Variants in CNTN2 observed in about 807,000 individuals in gnomAD.
CNTN2 encodes the protein contactin-2.
Under a neutral mutation model 117.5 loss-of-function variants are expected in CNTN2, and 53 were observed. The ratio of observed to expected loss-of-function variants is 0.45; its 90% CI spans 0.36 to 0.57. CNTN2 has a LOEUF of 0.57. CNTN2 is among the 20% of genes least tolerant of loss of function. CNTN2 has a pLI of 0.00. For missense variants in CNTN2, 1,106 were observed against 1,404.3 expected (o/e 0.79, Z 3.39); for synonymous variants, 530 against 561.7 (o/e 0.94, Z 0.80).
At chr1:205,055,751 T>C (rs964269186) in intron 2 of CNTN2, among the ~76,000 whole-genome samples, 2 of 152,162 alleles carry the variant, frequency 1.3e-5, no homozygotes, top group Non-Finnish European at 2.9e-5. Context: ...CTGTGGGATC[T>C]GGGGCAAGTT....
chr1:205,064,890 C>G (rs920223492), intron 12 of CNTN2, 140 bp downstream of exon 12: 24 of 1,344,818 alleles, frequency 1.8e-5, no homozygotes, highest in Non-Finnish European at 2.5e-5. Flanking sequence ...GGGACCACCC[C>G]CTGGCCACCA....
intron 1 of CNTN2, among the ~76,000 whole-genome samples, chr1:205,049,281 G>GACAC (rs3835569): frequency 0.033 from 3,985 of 120,532 alleles, 83 homozygotes; most frequent in Admixed American, 0.054. Context: ...CCTCACACCC[G>GACAC]ACACACACAC....
Position 205,061,458 on chromosome 1 carries a change from C to A in CNTN2, c.973+38C>A, listed in dbSNP as rs1653976955. 1 of 1,529,466 alleles carries A rather than the reference C, an allele frequency of 6.5e-7. No homozygotes were observed. Among genetic ancestry groups the A allele is most frequent in the South Asian group, 1.2e-5 (1 of 81,754 alleles). 94.7% of individuals were successfully genotyped at this position (1,529,466 alleles called of 1,614,324 possible). A position where few individuals can be genotyped will look rare whatever the true frequency, so the allele number is the denominator to read the frequency against. ...GGACACCTTCTCCGCCCCTCCCGACCCCCCTTCCCGCCTTCACCCTTGTCC... is the reference window on the plus strand; with the variant it reads ...GGACACCTTCTCCGCCCCTCCCGACACCCCTTCCCGCCTTCACCCTTGTCC... On this transcript the variant is annotated intron_variant, in intron 8 of 22. Coordinates refer to ENST00000331830, the MANE Select transcript of CNTN2 (RefSeq NM_005076.5). This position sits in a 1 kb window ranked among gnomAD's most constrained non-coding sequence, Gnocchi z 4.8.
intron 2 of CNTN2, among the ~76,000 whole-genome samples, chr1:205,054,177 G>A (rs1420379454): frequency 1.3e-5 from 2 of 152,200 alleles, no homozygotes; most frequent in Non-Finnish European, 2.9e-5. Context: ...ACATCTCTGT[G>A]GGACTCTCCA....
At position 205,059,004 on chromosome 1, in the gene CNTN2, C is replaced by T. The variant is rs1267291782; in HGVS notation, c.488-80C>T. ...TGTCAGGACAGGGCTTGCAGAACCG[C>T]ACCAGCATGCTGGGGTCCCACCCAG... On this transcript the variant is annotated intron_variant, in intron 5 of 22. Transcript: ENST00000331830. The surrounding 1 kb of genome is among the most constrained non-coding windows in gnomAD (Gnocchi z 5.6). 2.3e-6 allele frequency: 3 copies of T among 1,303,048 alleles called. No individual in the cohort carries two copies. The highest frequency in any genetic ancestry group is 1.5e-5 in the African/African-American group (1 of 68,432). The allele number at this position is 1,303,048 out of a possible 1,614,324, so 80.7% of individuals were successfully genotyped here.
At position 205,071,951 on chromosome 1, in the gene CNTN2, G is replaced by A. The variant is rs548681626; in HGVS notation, c.2549G>A (p.Arg850His). ...MNGILLGYEI[R>H]YWKAGDKEAA... Reference sequence around the variant, plus strand: ...GGGTACCCCCGCCTCCTTCAGATCCGCTACTGGAAAGCTGGGGACAAAGAA... The same window carrying A: ...GGGTACCCCCGCCTCCTTCAGATCCACTACTGGAAAGCTGGGGACAAAGAA... The change falls in exon 20 of 23, where the codon CGC (arginine) becomes CAC (histidine). Residue 850 changes from arginine (R) to histidine (H), a missense_variant. Physicochemically the swap from Arg to His is conservative, Grantham distance 29. Transcript: ENST00000331830. The A allele has an allele frequency of 1.6e-5, 25 of 1,610,284 alleles. No individual in the cohort carries two copies. The Middle Eastern group carries it at 5.1e-4, about 33-fold the overall frequency.
intron 1 of CNTN2, among the ~76,000 whole-genome samples, chr1:205,047,635 C>G (rs2096443988): frequency 6.6e-6 from 1 of 152,070 alleles, no homozygotes; most frequent in Admixed American, 6.6e-5. Flanking sequence ...GACCATTGCA[C>G]CTTTGAGGCG....
At position 205,065,202 on chromosome 1, in the gene CNTN2, C is replaced by A. The variant is rs765619627; in HGVS notation, c.1635C>A (p.Thr545=). 1 of 1,614,136 alleles carries A rather than the reference C, an allele frequency of 6.2e-7. No individual in the cohort carries two copies. Among genetic ancestry groups the A allele is most frequent in the Non-Finnish European group, 8.5e-7 (1 of 1,180,034 alleles). The stretch of plus-strand genomic sequence containing the variant: ...CCATGGACCTCACCTTCACCTGGAC[C>A]CTGGACGACTTCCCCATCGACTTTG... ...DPTMDLTFTW[T]LDDFPIDFDK... The change falls in exon 13 of 23, where the codon ACC becomes ACA. Residue 545 remains threonine (T), a synonymous_variant. Transcript: ENST00000331830. This position sits in a 1 kb window ranked among gnomAD's most constrained non-coding sequence, Gnocchi z 4.1.
Position 205,077,718 on chromosome 1 carries a change from C to G in CNTN2, c.*3953C>G, listed in dbSNP as rs1654930567. 6.6e-6 allele frequency: 1 copy of G among 152,332 alleles called. No homozygotes were observed. Among genetic ancestry groups the G allele is most frequent in the Non-Finnish European group, 1.5e-5 (1 of 68,134 alleles). The allele number at this position is 152,332 out of a possible 1,614,324, so 9.4% of individuals were successfully genotyped here. On this transcript the variant is annotated 3_prime_UTR_variant, in exon 23 of 23. Coordinates refer to ENST00000331830, the MANE Select transcript of CNTN2 (RefSeq NM_005076.5). Reference sequence around the variant, plus strand: ...AGATAGCTTTGGCCACAGCCCCAGGCAGCCTTTGGGGCCTATGACACTTAG... The same window carrying G: ...AGATAGCTTTGGCCACAGCCCCAGGGAGCCTTTGGGGCCTATGACACTTAG...
At chr1:205,054,466 G>C (rs565963510) in intron 2 of CNTN2, among the ~76,000 whole-genome samples, 57 of 152,336 alleles carry the variant, frequency 3.7e-4, no homozygotes, top group Admixed American at 2.3e-3. Context: ...GAGCTACAGG[G>C]ATGGGAAGCC....
rs1313600716 is a variant in CNTN2 at position 205,064,702 on chromosome 1, G to A, written c.1471G>A (p.Glu491Lys). Residue 491 changes from glutamate to lysine, a missense_variant, in exon 12 of 23, where the codon GAG becomes AAG. Transcript: ENST00000331830. ...TGAAGGCAAATACACCTGCTTTGCT[G>A]AGAACTTCATGGGCAAAGCCAACAG... Reference protein sequence around the residue: ...SDEGKYTCFAENFMGKANSTG... With the variant: ...SDEGKYTCFAKNFMGKANSTG... 2 of 1,614,068 alleles carry A rather than the reference G, an allele frequency of 1.2e-6. No individual in the cohort carries two copies. Among genetic ancestry groups the A allele is most frequent in the African/African-American group, 2.7e-5 (2 of 74,934 alleles).
chr1:205,075,011 C>T lies in CNTN2; in HGVS notation c.*1246C>T. ...GTCAGAGCTGGAAGAAGCCTTAGAG[C>T]TCAACTTCTTCAAGCCCCTCACTTT... On this transcript the variant is annotated 3_prime_UTR_variant, in exon 23 of 23. Transcript: ENST00000331830. 2 of 397,814 alleles carry T rather than the reference C, an allele frequency of 5.0e-6. No individual in the cohort carries two copies. Among genetic ancestry groups the T allele is most frequent in the East Asian group, 7.1e-5 (2 of 28,078 alleles). The allele number at this position is 397,814 out of a possible 1,614,324, so 24.6% of individuals were successfully genotyped here.
chr1:205,059,616 G>A lies in CNTN2; in HGVS notation c.731G>A (p.Arg244Gln), dbSNP rs774885705. ...CTCTTTGCACCCAGCATCAAGGCCC[G>A]GTTCCCAGCAGAGACCTATGCACTG... Reference protein sequence around the residue: ...TRLFAPSIKARFPAETYALVG... With the variant: ...TRLFAPSIKAQFPAETYALVG... Residue 244 changes from arginine to glutamine, a missense_variant, in exon 7 of 23, where the codon CGG becomes CAG. Coordinates refer to ENST00000331830, the MANE Select transcript of CNTN2 (RefSeq NM_005076.5). This position sits in a 1 kb window ranked among gnomAD's most constrained non-coding sequence, Gnocchi z 5.6. 27 of 1,614,022 alleles carry A rather than the reference G, an allele frequency of 1.7e-5. No homozygotes were observed. The highest frequency in any genetic ancestry group is 1.2e-4 in the South Asian group (11 of 91,088).
chr1:205,053,062 C>T (rs1447859290), intron 1 of CNTN2, 38 bp from the exon 2 acceptor site: 2 of 623,740 alleles, frequency 3.2e-6, no homozygotes, highest in African/African-American at 1.9e-5. Context: ...GAGGGGCGCT[C>T]CTCGGCTCAG....
intron 10 of CNTN2, among the ~76,000 whole-genome samples, chr1:205,064,112 G>GT (rs1654134582): frequency 6.9e-6 from 1 of 144,758 alleles, no homozygotes; most frequent in Non-Finnish European, 1.5e-5. Context: ...GGCAGGGGTG[G>GT]TGGTGAGGGG....
At position 205,073,068 on chromosome 1, in the gene CNTN2, A is replaced by C. The variant is rs554144865; in HGVS notation, c.2845A>C (p.Met949Leu). The change falls in exon 22 of 23, where the codon ATG (methionine) becomes CTG (leucine). Residue 949 changes from methionine (M) to leucine (L), a missense_variant and splice_region_variant. Transcript: ENST00000331830. This position sits in a 1 kb window ranked among gnomAD's most constrained non-coding sequence, Gnocchi z 6.3. ...CCACCTGGAAACCTCCTTCCCACAG[A>C]TGCTGTACCAGAATGACTTACACCT... ...RNESAVTGYK[M>L]LYQNDLHLTP... 1 of 1,614,048 alleles carries C rather than the reference A, an allele frequency of 6.2e-7. No individual in the cohort carries two copies. The highest frequency in any genetic ancestry group is 1.1e-5 in the South Asian group (1 of 91,056).
chr1:205,070,279 T>C (rs1654524661), intron 18 of CNTN2, 147 bp from the exon 19 acceptor site: 2 of 703,922 alleles, frequency 2.8e-6, no homozygotes, highest in Non-Finnish European at 4.8e-6. Context: ...AAGTGGGCCC[T>C]GGAGCATTGC....
At chr1:205,046,291 CCAA>C (rs1281276865) in intron 1 of CNTN2, among the ~76,000 whole-genome samples, 1 of 152,190 alleles carries the variant, frequency 6.6e-6, no homozygotes, top group South Asian at 2.1e-4. Flanking sequence ...ACACTCAGGC[CCAA>C]ACGCATCTCA....
chr1:205,058,064 C>T lies in CNTN2; in HGVS notation c.214C>T (p.Arg72Trp), dbSNP rs149564430. 4.5e-4 allele frequency: 721 copies of T among 1,613,278 alleles called. 2 individuals are homozygous for T. Among genetic ancestry groups the T allele is most frequent in the Non-Finnish European group, 3.7e-4 (435 of 1,179,750 alleles). Residue 72 changes from arginine (R) to tryptophan (W), a missense_variant and splice_region_variant, in exon 3 of 23, where the codon CGG (arginine) becomes TGG (tryptophan). By Grantham distance (101) the Arg-to-Trp change is moderately radical. Coordinates refer to ENST00000331830, the MANE Select transcript of CNTN2 (RefSeq NM_005076.5). This position sits in a 1 kb window ranked among gnomAD's most constrained non-coding sequence, Gnocchi z 4.3. ...RARASPPATYRWKMNGTEMKL... is the reference protein window; with the variant it reads ...RARASPPATYWWKMNGTEMKL... ...CCGGGCCAGCCCTCCAGCCACCTAT[C>T]GGTAAGGCCTCTGCAGTGGGTGCTG... is the stretch of plus-strand genomic sequence containing the variant.
Sources: gnomAD v4.1 joint callset for allele counts (sites outside exome capture counted in the v4.1 genomes callset) on GRCh38, gnomAD v4.1.1 for gene constraint, Gnocchi (gnomAD v3.1) non-coding constraint, MANE v1.5 for transcripts, NCBI Gene and HGNC (gene_info 2026-07-23, HGNC 2026-07-21) for gene names.